Variants in RELN observed in about 807,000 individuals in gnomAD.
RELN encodes the protein reelin.
In RELN, 108 loss-of-function variants were observed where a neutral mutation model predicts 427.6. The ratio of observed to expected loss-of-function variants is 0.25; its 90% confidence interval spans 0.22 to 0.30. RELN has a LOEUF of 0.30. Ranked by LOEUF, RELN falls within the 10% of genes least tolerant of loss-of-function variation. RELN has a pLI of 1.00. For synonymous variants in RELN, 1,524 were observed against 1,513.4 expected (o/e 1.01, Z -0.16); for missense variants, 3,715 against 4,302.8 (o/e 0.86, Z 3.82).
At chr7:103,578,562 T>C (rs1156926061) in intron 28 of RELN, among the ~76,000 whole-genome samples, 1 of 152,188 alleles carries the variant, frequency 6.6e-6, no homozygotes, top group Admixed American at 6.5e-5. Context: ...TTCATTTCCA[T>C]TTCTCCAAGT....
chr7:103,741,320 C>T (rs1241807234), intron 6 of RELN, among the ~76,000 whole-genome samples: 1 of 151,912 alleles, frequency 6.6e-6, no homozygotes, highest in African/African-American at 2.4e-5. Context: ...CTTATTTTTC[C>T]CTCCTTTATG....
chr7:103,613,764 C>T lies in RELN; in HGVS notation c.2703-1961G>A. Among the ~76,000 whole-genome samples, 2 of 152,216 alleles carry T rather than the reference C, an allele frequency of 1.3e-5. 1 individual carries two copies. Among genetic ancestry groups the T allele is most frequent in the Non-Finnish European group, 2.9e-5 (2 of 68,042 alleles). ...GAAAGCCTAACAGTGCCTGGTAGTA[C>T]ATGGGCTGAAGGGTCTGCAAATGAC... is the stretch of plus-strand genomic sequence containing the variant. On this transcript the variant is annotated intron_variant, in intron 20 of 64. Coordinates refer to ENST00000428762, the MANE Select transcript of RELN (RefSeq NM_005045.4).
chr7:103,642,279 A>G (rs1002521754), intron 16 of RELN, among the ~76,000 whole-genome samples: 4 of 150,666 alleles, frequency 2.7e-5, no homozygotes, highest in African/African-American at 7.3e-5. Flanking sequence ...TGATATTGAT[A>G]TGTTTTTCTC....
intron 3 of RELN, among the ~76,000 whole-genome samples, chr7:103,816,714 G>C (rs1438153805): frequency 6.6e-6 from 1 of 151,956 alleles, no homozygotes; most frequent in Non-Finnish European, 1.5e-5. Context: ...TCCAAACTTG[G>C]GGATCATGTA....
chr7:103,919,010 T>A (rs1795551476), intron 1 of RELN, among the ~76,000 whole-genome samples: 1 of 152,160 alleles, frequency 6.6e-6, no homozygotes, highest in South Asian at 2.1e-4. Context: ...GAGTTCAGAA[T>A]TTTTTAGGAA....
At chr7:103,532,921 T>G (rs1261292955) in intron 46 of RELN, among the ~76,000 whole-genome samples, 1 of 152,206 alleles carries the variant, frequency 6.6e-6, no homozygotes, top group African/African-American at 2.4e-5. Flanking sequence ...TTCTGGCCAA[T>G]ACTCCTCTCC....
At chr7:103,867,784 T>C (rs1480353208) in intron 2 of RELN, among the ~76,000 whole-genome samples, 1 of 152,062 alleles carries the variant, frequency 6.6e-6, no homozygotes, top group African/African-American at 2.4e-5. Flanking sequence ...ATATACTCTT[T>C]ATTTCATTTT....
chr7:103,625,407 T>C (rs1240616772), intron 20 of RELN, among the ~76,000 whole-genome samples: 2 of 152,236 alleles, frequency 1.3e-5, no homozygotes, highest in African/African-American at 4.8e-5. Context: ...ACATTTCTTT[T>C]TTGATCTCTT....
At chr7:103,938,221 TGAG>T (rs1188735154) in intron 1 of RELN, among the ~76,000 whole-genome samples, 2 of 151,984 alleles carry the variant, frequency 1.3e-5, no homozygotes, top group East Asian at 1.9e-4. Flanking sequence ...CTCAAGAGGC[TGAG>T]GAGGAGAATC....
At chr7:103,893,210 A>G (rs1253969512) in intron 2 of RELN, among the ~76,000 whole-genome samples, 2 of 152,166 alleles carry the variant, frequency 1.3e-5, no homozygotes, top group African/African-American at 4.8e-5. Context: ...CAGACCCCCC[A>G]GAAATTCCTG....
At chr7:103,753,550 T>C (rs1791059061) in intron 4 of RELN, among the ~76,000 whole-genome samples, 1 of 152,220 alleles carries the variant, frequency 6.6e-6, no homozygotes, top group Non-Finnish European at 1.5e-5. Flanking sequence ...GGCACAATGA[T>C]ATACATTCTC....
chr7:103,601,329 C>T (rs913607221), intron 24 of RELN, among the ~76,000 whole-genome samples: 5 of 152,304 alleles, frequency 3.3e-5, no homozygotes, highest in Middle Eastern at 3.4e-3. Context: ...TCCATGTCAA[C>T]GGATAGGAAA....
At chr7:103,933,720 C>T (rs1375696266) in intron 1 of RELN, among the ~76,000 whole-genome samples, 3 of 152,108 alleles carry the variant, frequency 2.0e-5, no homozygotes, top group African/African-American at 4.8e-5. Context: ...TGGGGGTCTT[C>T]CTCCCCCAGT....
At chr7:103,595,040 T>C (rs1210537132) in intron 25 of RELN, among the ~76,000 whole-genome samples, 1 of 152,182 alleles carries the variant, frequency 6.6e-6, no homozygotes, top group Admixed American at 6.5e-5. Flanking sequence ...ATTTTAAAAC[T>C]TAACATTACA....
chr7:103,913,281 T>C (rs376073240), intron 2 of RELN, among the ~76,000 whole-genome samples: 2 of 152,276 alleles, frequency 1.3e-5, no homozygotes, highest in East Asian at 3.9e-4. Flanking sequence ...TTAGTACAAT[T>C]AAAATAACTA....
chr7:103,817,732 A>C (rs1025604678), intron 3 of RELN, among the ~76,000 whole-genome samples: 1 of 152,066 alleles, frequency 6.6e-6, no homozygotes, highest in Admixed American at 6.6e-5. Flanking sequence ...AGATCACCTG[A>C]GGTCAGGAGT....
At chr7:103,783,445 G>C (rs1015038606) in intron 3 of RELN, among the ~76,000 whole-genome samples, 1 of 152,062 alleles carries the variant, frequency 6.6e-6, no homozygotes, top group African/African-American at 2.4e-5. Flanking sequence ...AATAAGCAAA[G>C]GATTCTGTAT....
At chr7:103,913,817 T>C (rs1303353618) in intron 2 of RELN, among the ~76,000 whole-genome samples, 2 of 152,226 alleles carry the variant, frequency 1.3e-5, no homozygotes, top group Non-Finnish European at 2.9e-5. Flanking sequence ...AATTTTACTT[T>C]TAAAGTTATT....
intron 3 of RELN, among the ~76,000 whole-genome samples, chr7:103,821,924 A>G (rs886102291): frequency 6.6e-6 from 1 of 152,158 alleles, no homozygotes; most frequent in African/African-American, 2.4e-5. Context: ...GTGGAAATAC[A>G]TGGAGGAGAT....
Sources: allele counts gnomAD v4.1 joint callset (sites outside exome capture counted in the v4.1 genomes callset), GRCh38; gene constraint gnomAD v4.1.1; transcripts MANE v1.5; gene names NCBI Gene and HGNC (gene_info 2026-07-23, HGNC 2026-07-21).